The following XRN2 variants were observed in gnomAD, a reference collection of about 807,000 sequenced individuals.
XRN2 encodes 5'-3' exoribonuclease 2, also known as DHM1-like protein.
Under a neutral mutation model 138.5 loss-of-function variants are expected in XRN2, and 44 were observed. The observed-to-expected ratio is 0.32, with a 90% CI of 0.25 to 0.41. The LOEUF (loss-of-function observed/expected upper bound fraction) is 0.41, where lower values mean the gene tolerates loss of function less well. XRN2 is among the 10% of genes least tolerant of loss of function. The pLI is 1.00. For synonymous variants in XRN2, 354 were observed against 369.4 expected (o/e 0.96, Z 0.48); for missense variants, 937 against 1,169.3 (o/e 0.80, Z 2.90).
rs376747395 is a variant in XRN2 at position 21,334,505 on chromosome 20, C to CTAGT, written c.1233+321_1233+324dup. 3.1e-3 allele frequency among the ~76,000 whole-genome samples: 472 copies of CTAGT among 152,212 alleles called. 5 individuals are homozygous for CTAGT. Among genetic ancestry groups the CTAGT allele is most frequent in the African/African-American group, 0.011 (462 of 41,532 alleles). On this transcript the variant is annotated intron_variant, in intron 13 of 29. Transcript: ENST00000377191. ...AGGCTGGAAGTCTATTGGGATTGAA[C>CTAGT]TAGTGGCTGTCATGTTTTGAAGGCA...
chr20:21,325,391 G>A (rs763505648), intron 1 of XRN2, among the ~76,000 whole-genome samples: 2 of 152,202 alleles, frequency 1.3e-5, no homozygotes, highest in Admixed American at 1.3e-4. Context: ...CAATGTAGCT[G>A]GGGTAGATTG....
chr20:21,339,756 G>A (rs2038347433), intron 14 of XRN2, among the ~76,000 whole-genome samples: 2 of 152,126 alleles, frequency 1.3e-5, no homozygotes, highest in South Asian at 4.1e-4. Context: ...TAACTCTGGT[G>A]CTTCCTATGT....
chr20:21,359,403 G>C (rs563250106), intron 24 of XRN2, among the ~76,000 whole-genome samples: 2 of 151,788 alleles, frequency 1.3e-5, no homozygotes, highest in Non-Finnish European at 2.9e-5. Flanking sequence ...GGGCATGGTG[G>C]TGCATGCCTA....
intron 24 of XRN2, among the ~76,000 whole-genome samples, chr20:21,363,904 A>G (rs1388289016): frequency 2.6e-5 from 4 of 152,166 alleles, no homozygotes; most frequent in African/African-American, 7.2e-5. Context: ...TATGTTTCCC[A>G]TGTCATTAAG....
intron 1 of XRN2, among the ~76,000 whole-genome samples, chr20:21,321,413 C>G (rs2038043141): frequency 6.6e-6 from 1 of 151,324 alleles, no homozygotes; most frequent in South Asian, 2.1e-4. Flanking sequence ...ACTGTAGTTT[C>G]CAACTCCTGG....
At position 21,365,636 on chromosome 20, in the gene XRN2, G is replaced by A. The variant is rs79285881; in HGVS notation, c.2388G>A (p.Lys796=). ...WEKSSNGRQW[K]PQLGFNRDRR... ...AATCCAGCAATGGACGGCAGTGGAA[G>A]CCTCAGCTTGGCTTTAACCGTGACC... Residue 796 remains lysine, a synonymous_variant, in exon 26 of 30, where the codon AAG becomes AAA. Transcript: ENST00000377191. The A allele has an allele frequency of 4.0e-5, 65 of 1,613,332 alleles. No homozygotes were observed. Among genetic ancestry groups the A allele is most frequent in the Non-Finnish European group, 5.1e-5 (60 of 1,179,942 alleles).
At chr20:21,386,147 T>C (rs1409076019) in intron 28 of XRN2, among the ~76,000 whole-genome samples, 2 of 152,218 alleles carry the variant, frequency 1.3e-5, no homozygotes, top group Admixed American at 1.3e-4. Context: ...TTGAAGACAA[T>C]TAAAACATTT....
intron 20 of XRN2, among the ~76,000 whole-genome samples, chr20:21,350,262 C>G (rs1020499105): frequency 6.6e-6 from 1 of 152,048 alleles, no homozygotes; most frequent in Non-Finnish European, 1.5e-5. Flanking sequence ...CGCAGTGGCT[C>G]GCGCCTGTAA....
In XRN2 at chr20:21,368,549, C is replaced by T. The variant is rs761741359; in HGVS notation, c.2543C>T (p.Pro848Leu). Reference sequence around the variant, plus strand: ...ACTTACCAGGGAAACTTATACAGGCCGCTTTTGAGAGGACAAGCCCAGATT... The same window carrying T: ...ACTTACCAGGGAAACTTATACAGGCTGCTTTTGAGAGGACAAGCCCAGATT... ...PVTYQGNLYR[P>L]LLRGQAQIPK... is the part of the protein sequence containing the mutation. The change falls in exon 27 of 30, where the codon CCG becomes CTG. Residue 848 changes from proline (P) to leucine (L), a missense_variant. This residue lies in a region of XRN2 where 372 missense variants were observed against 414.4 expected (regional missense o/e 0.90). Transcript: ENST00000377191. 19 of 1,613,998 alleles carry T rather than the reference C, an allele frequency of 1.2e-5. No individual in the cohort carries two copies. The highest frequency in any genetic ancestry group is 1.6e-5 in the Non-Finnish European group (19 of 1,179,930).
chr20:21,381,911 G>T lies in XRN2; in HGVS notation c.2585-83G>T, dbSNP rs2038889510. ...ACAGTCTTTCTCAGATTTTTTTCAA[G>T]AACTTTTAATTATAAAATATTGGGT... On this transcript the variant is annotated intron_variant, in intron 27 of 29. Coordinates refer to ENST00000377191, the MANE Select transcript of XRN2 (RefSeq NM_012255.5). 3 of 1,150,638 alleles carry T rather than the reference G, an allele frequency of 2.6e-6. No individual in the cohort carries two copies. In the South Asian group the frequency reaches 5.8e-5, roughly 22 times the overall value. The allele number at this position is 1,150,638 out of a possible 1,614,324, so 71.3% of individuals were successfully genotyped here. A position where few individuals can be genotyped will look rare whatever the true frequency, so the allele number is the denominator to read the frequency against.
chr20:21,347,642 G>A (rs576974338), intron 17 of XRN2, among the ~76,000 whole-genome samples: 1 of 152,142 alleles, frequency 6.6e-6, no homozygotes, highest in Non-Finnish European at 1.5e-5. Context: ...TTACTCACAT[G>A]TTTTTATAGT....
intron 6 of XRN2, among the ~76,000 whole-genome samples, 196 bp downstream of exon 6, chr20:21,330,901 T>A (rs1419934626): frequency 6.6e-6 from 1 of 152,176 alleles, no homozygotes; most frequent in Non-Finnish European, 1.5e-5. Flanking sequence ...GAATTTTCTC[T>A]TAAAGCCAAT....
chr20:21,383,051 A>G (rs1353200449), intron 28 of XRN2, among the ~76,000 whole-genome samples: 3 of 152,138 alleles, frequency 2.0e-5, no homozygotes, highest in African/African-American at 7.2e-5. Flanking sequence ...TTTTAAGAAA[A>G]CTTTATAACT....
intron 13 of XRN2, among the ~76,000 whole-genome samples, chr20:21,335,772 A>G (rs1216848556): frequency 6.6e-6 from 1 of 152,174 alleles, no homozygotes; most frequent in Admixed American, 6.5e-5. Context: ...CCGACTCTGC[A>G]CCTTGAGTTG....
chr20:21,366,373 C>A (rs1382438763), intron 26 of XRN2, among the ~76,000 whole-genome samples: 3 of 149,674 alleles, frequency 2.0e-5, no homozygotes, highest in African/African-American at 7.3e-5. Flanking sequence ...CAGTGAAACC[C>A]CGTCTCTACT....
At chr20:21,314,423 G>A (rs2037929411) in intron 1 of XRN2, among the ~76,000 whole-genome samples, 1 of 152,166 alleles carries the variant, frequency 6.6e-6, no homozygotes, top group South Asian at 2.1e-4. Context: ...ATGTGGATAT[G>A]TTTTCGTTTT....
At chr20:21,332,255 C>G (rs62217926) in intron 8 of XRN2, 28 bp from the exon 9 acceptor site, 76,374 of 1,598,980 alleles carry the variant, frequency 0.048, 2,119 homozygotes, top group African/African-American at 0.095. Flanking sequence ...ACTCACTGTT[C>G]GATGTTTTTC....
intron 20 of XRN2, among the ~76,000 whole-genome samples, chr20:21,352,039 G>T (rs981225176): frequency 7.9e-5 from 12 of 152,124 alleles, no homozygotes; most frequent in Non-Finnish European, 1.8e-4. Flanking sequence ...GATTTCACAT[G>T]AATTTTAGGA....
intron 29 of XRN2, among the ~76,000 whole-genome samples, chr20:21,388,109 G>A (rs2038954131): frequency 6.6e-6 from 1 of 152,198 alleles, no homozygotes; most frequent in Non-Finnish European, 1.5e-5. Context: ...TTTTTGAAGT[G>A]AGGACTATTT....
Sources: allele counts gnomAD v4.1 joint callset (sites outside exome capture counted in the v4.1 genomes callset), GRCh38; gene constraint gnomAD v4.1.1; regional missense constraint gnomAD v4.1.1; transcripts MANE v1.5; gene names NCBI Gene and HGNC (gene_info 2026-07-23, HGNC 2026-07-21).